The following SPNS3 variants were observed in gnomAD, a reference collection of about 807,000 sequenced individuals.
SPNS3 encodes the protein SPNS lysolipid transporter 3, sphingosine-1-phosphate (putative).
In SPNS3, 51 loss-of-function variants were observed where a neutral mutation model predicts 54.4. That is an observed-to-expected ratio of 0.94 (90% CI 0.75 to 1.18). SPNS3 has a LOEUF of 1.18. Among genes scored for constraint, SPNS3 ranks in the 50% most tolerant of loss-of-function variants. SPNS3 has a pLI of 0.00. For missense variants in SPNS3, 669 were observed against 677.4 expected (o/e 0.99, Z 0.14); for synonymous variants, 309 against 294.7 (o/e 1.05, Z -0.50).
intron 8 of SPNS3, among the ~76,000 whole-genome samples, chr17:4,468,789 C>CTTTT (rs1971768067): frequency 2.0e-5 from 2 of 101,706 alleles, no homozygotes; most frequent in Non-Finnish European, 4.2e-5. Context: ...CTTTCTCTCT[C>CTTTT]TCTTTCTTTT....
Position 4,486,054 on chromosome 17 carries a change from T to C in SPNS3, c.1180-174T>C. 1 of 536,396 alleles carries C rather than the reference T, an allele frequency of 1.9e-6. No homozygotes were observed. Among genetic ancestry groups the C allele is most frequent in the South Asian group, 3.1e-5 (1 of 32,084 alleles). The allele number at this position is 536,396 out of a possible 1,614,324, so 33.2% of individuals were successfully genotyped here. On this transcript the variant is annotated intron_variant, in intron 9 of 11. Transcript: ENST00000355530. This position sits in a 1 kb window ranked among gnomAD's most constrained non-coding sequence, Gnocchi z 5.5. ...GGCACTGGGGAAGCTTCAGATGGGC[T>C]TGATGTCTTGATGTTCTGGGGTGGG...
intron 6 of SPNS3, among the ~76,000 whole-genome samples, 186 bp from the exon 7 acceptor site, chr17:4,449,049 G>A (rs1567557859): frequency 6.6e-6 from 1 of 152,190 alleles, no homozygotes; most frequent in African/African-American, 2.4e-5. Context: ...TAACCTGAGT[G>A]TCTTCTTCTT....
At chr17:4,443,167 T>C (rs1266457414) in intron 2 of SPNS3, among the ~76,000 whole-genome samples, 1 of 151,892 alleles carries the variant, frequency 6.6e-6, no homozygotes, top group Non-Finnish European at 1.5e-5. Context: ...ACCTCCCAGG[T>C]TCAAGCAATT....
rs729534 is a variant in SPNS3, at chr17:4,476,903, T to A, written c.1114-1669T>A. On this transcript the variant is annotated intron_variant, in intron 8 of 11. Coordinates refer to ENST00000355530, the MANE Select transcript of SPNS3 (RefSeq NM_182538.5). The stretch of plus-strand genomic sequence containing the variant: ...CGCGTTCCTGTCCCGCCCGGCATGG[T>A]GGCCACATCCCAGCTCCTTGCCTCC... 0.041 allele frequency among the ~76,000 whole-genome samples: 6,273 copies of A among 152,314 alleles called. 989 individuals carry two copies. In the East Asian group the frequency reaches 0.59, roughly 14 times the overall value.
chr17:4,439,948 G>T (rs971164360), intron 2 of SPNS3, among the ~76,000 whole-genome samples: 1 of 152,166 alleles, frequency 6.6e-6, no homozygotes, highest in Admixed American at 6.5e-5. Context: ...AGCAGGGGGA[G>T]GTGGGGCTGG....
At chr17:4,446,520 C>G in intron 4 of SPNS3, 1 of 493,754 alleles carries the variant, frequency 2.0e-6, no homozygotes, top group Non-Finnish European at 3.7e-6. Flanking sequence ...CGTGTTAGGG[C>G]CAGGCCCTGC....
At chr17:4,484,767 C>G (rs938992708) in intron 9 of SPNS3, among the ~76,000 whole-genome samples, 1 of 151,930 alleles carries the variant, frequency 6.6e-6, no homozygotes, top group Non-Finnish European at 1.5e-5. Context: ...CTCCTTCCAT[C>G]CCCTGCTGTA....
chr17:4,448,568 A>T (rs985163900), intron 6 of SPNS3, among the ~76,000 whole-genome samples: 2 of 152,196 alleles, frequency 1.3e-5, no homozygotes, highest in African/African-American at 4.8e-5. Flanking sequence ...TGCCCTGCCC[A>T]TAAGTGGCTC....
intron 9 of SPNS3, among the ~76,000 whole-genome samples, chr17:4,479,931 A>G (rs1972109657): frequency 6.6e-6 from 1 of 152,250 alleles, no homozygotes; most frequent in South Asian, 2.1e-4. Flanking sequence ...GGATTCTCAC[A>G]GCAATCCGGA....
At chr17:4,460,664 G>A (rs1470448374) in intron 8 of SPNS3, among the ~76,000 whole-genome samples, 3 of 149,786 alleles carry the variant, frequency 2.0e-5, no homozygotes, top group Admixed American at 6.7e-5. Flanking sequence ...GGATTGTCTC[G>A]ATCTCCTGAC....
intron 8 of SPNS3, among the ~76,000 whole-genome samples, chr17:4,475,251 G>C (rs1458003103): frequency 6.6e-6 from 1 of 152,188 alleles, no homozygotes; most frequent in Non-Finnish European, 1.5e-5. Flanking sequence ...AGGGATCTAA[G>C]TCAGGGTGCA....
chr17:4,442,030 G>A (rs1970867104), intron 2 of SPNS3, among the ~76,000 whole-genome samples: 1 of 147,198 alleles, frequency 6.8e-6, no homozygotes, highest in Admixed American at 6.8e-5. Context: ...GGCAGTAGGT[G>A]AAGAGAAAGG....
chr17:4,437,998 A>G (rs1267441888), intron 1 of SPNS3, among the ~76,000 whole-genome samples: 1 of 152,174 alleles, frequency 6.6e-6, no homozygotes, highest in Non-Finnish European at 1.5e-5. Flanking sequence ...TGTGTTAGCC[A>G]CGATGGTCTT....
intron 5 of SPNS3, among the ~76,000 whole-genome samples, chr17:4,447,755 G>A (rs374084065): frequency 9.3e-4 from 142 of 152,274 alleles, no homozygotes; most frequent in African/African-American, 3.0e-3. Context: ...GAGGATGCCA[G>A]GGCAGGACTG....
chr17:4,468,403 T>G (rs1457937393), intron 8 of SPNS3, among the ~76,000 whole-genome samples: 1 of 152,122 alleles, frequency 6.6e-6, no homozygotes, highest in African/African-American at 2.4e-5. Context: ...AGGGTAGCTA[T>G]GGAGGAAGTG....
chr17:4,456,310 G>A (rs1311800102), intron 8 of SPNS3, among the ~76,000 whole-genome samples: 1 of 152,122 alleles, frequency 6.6e-6, no homozygotes, highest in Non-Finnish European at 1.5e-5. Context: ...CAAGCAGTGG[G>A]GGGCCAAATG....
chr17:4,462,672 T>C (rs111210239), intron 8 of SPNS3, among the ~76,000 whole-genome samples: 9 of 1,114 alleles, frequency 8.1e-3, no homozygotes, highest in African/African-American at 0.011. Context: ...CATCCATCCA[T>C]CCACCCTCCC....
At chr17:4,435,387 G>A (rs1302858542) in intron 1 of SPNS3, among the ~76,000 whole-genome samples, 1 of 148,722 alleles carries the variant, frequency 6.7e-6, no homozygotes, top group Non-Finnish European at 1.5e-5. Context: ...CCACCATTGA[G>A]CCAAGATCCC....
chr17:4,471,655 A>G (rs1186193344), intron 8 of SPNS3, among the ~76,000 whole-genome samples: 2 of 151,810 alleles, frequency 1.3e-5, no homozygotes, highest in Non-Finnish European at 2.9e-5. Context: ...TTGTAAAGGC[A>G]GGGTTTCACC....
Sources: allele counts gnomAD v4.1 joint callset (sites outside exome capture counted in the v4.1 genomes callset), GRCh38; gene constraint gnomAD v4.1.1; non-coding constraint Gnocchi (gnomAD v3.1); transcripts MANE v1.5; gene names NCBI Gene and HGNC (gene_info 2026-07-23, HGNC 2026-07-21).